Variants in CTSS observed in about 807,000 individuals in gnomAD.
The protein encoded by CTSS is cathepsin S.
In CTSS, 15 loss-of-function variants were observed where a neutral mutation model predicts 39.9. The ratio of observed to expected loss-of-function variants is 0.38; its 90% CI spans 0.25 to 0.58. The LOEUF (loss-of-function observed/expected upper bound fraction) is 0.58. CTSS is among the 20% of genes least tolerant of loss of function. The pLI is 0.70. For synonymous variants in CTSS, 126 were observed against 138.2 expected, an observed-to-expected ratio of 0.91 and a Z score of 0.62; for missense variants, 250 against 398.2, an observed-to-expected ratio of 0.63 and a Z score of 3.17.
chr1:150,743,467 T>A (rs2101913781), intron 7 of CTSS, among the ~76,000 whole-genome samples: 1 of 145,174 alleles, frequency 6.9e-6, no homozygotes, highest in Non-Finnish European at 1.5e-5. Flanking sequence ...GGCTCACGCC[T>A]GTAATCCCAA....
chr1:150,757,588 T>G (rs952909136), intron 3 of CTSS, among the ~76,000 whole-genome samples: 1 of 152,134 alleles, frequency 6.6e-6, no homozygotes, highest in Non-Finnish European at 1.5e-5. Flanking sequence ...AGGTAATACT[T>G]TCTAGAATTT....
chr1:150,755,165 T>C lies in CTSS; in HGVS notation c.250-15A>G, dbSNP rs950331209. 1.2e-6 allele frequency: 2 copies of C among 1,613,374 alleles called. No homozygotes were observed. The highest frequency in any genetic ancestry group is 1.7e-6 in the Non-Finnish European group (2 of 1,179,540). ...TCTTCACTGGTCTACAAAGCAAATA[T>C]ACAGTCAGGCATTGTTTAATGACTG... On this transcript the variant is annotated splice_polypyrimidine_tract_variant and intron_variant, in intron 3 of 7. Transcript: ENST00000368985.
intron 7 of CTSS, among the ~76,000 whole-genome samples, chr1:150,745,023 C>G (rs1422844838): frequency 6.6e-6 from 1 of 152,040 alleles, no homozygotes; most frequent in African/African-American, 2.4e-5. Context: ...GGTCTACACC[C>G]AAGCTGATCA....
intron 7 of CTSS, among the ~76,000 whole-genome samples, chr1:150,745,549 C>G (rs1652876837): frequency 6.6e-6 from 1 of 152,030 alleles, no homozygotes; most frequent in Non-Finnish European, 1.5e-5. Flanking sequence ...GTAGTGCCAG[C>G]TACTTTGGTG....
chr1:150,760,371 A>G (rs1653228672), intron 2 of CTSS, among the ~76,000 whole-genome samples: 1 of 152,250 alleles, frequency 6.6e-6, no homozygotes, highest in Non-Finnish European at 1.5e-5. Flanking sequence ...CAAATAGGCC[A>G]TATATGGCAA....
At chr1:150,756,696 T>TTTTC (rs1197186923) in intron 3 of CTSS, among the ~76,000 whole-genome samples, 2 of 149,478 alleles carry the variant, frequency 1.3e-5, no homozygotes, top group Admixed American at 6.9e-5. Context: ...TCCTTCTTTC[T>TTTTC]TTTCTTTCTT....
At chr1:150,746,940 AT>A (rs1652906399) in intron 7 of CTSS, among the ~76,000 whole-genome samples, 1 of 152,194 alleles carries the variant, frequency 6.6e-6, no homozygotes, top group Non-Finnish European at 1.5e-5. Flanking sequence ...ACTCGTTCAT[AT>A]TTTAGACAAA....
intron 3 of CTSS, among the ~76,000 whole-genome samples, chr1:150,757,615 T>C (rs922894118): frequency 2.6e-5 from 4 of 151,684 alleles, no homozygotes; most frequent in African/African-American, 9.7e-5. Flanking sequence ...AAAAAAACAA[T>C]GGTAGTCTCT....
chr1:150,753,186 T>C (rs1211389487), intron 4 of CTSS, among the ~76,000 whole-genome samples: 1 of 152,108 alleles, frequency 6.6e-6, no homozygotes, highest in Admixed American at 6.6e-5. Context: ...TTTTACTTTC[T>C]TCATTGATCA....
chr1:150,731,693 C>A lies in CTSS; in HGVS notation c.*1353G>T, dbSNP rs982483143. ...AATCTAGAGCAGTTGTAAGGAAGAT[C>A]CATCTGAATTAGATAAAAATATGAG... On this transcript the variant is annotated 3_prime_UTR_variant, in exon 8 of 8. Coordinates refer to ENST00000368985, the MANE Select transcript of CTSS (RefSeq NM_004079.5). 3.3e-5 allele frequency: 5 copies of A among 152,078 alleles called. No individual in the cohort carries two copies. The highest frequency in any genetic ancestry group is 1.2e-4 in the African/African-American group (5 of 41,414). 9.4% of individuals were successfully genotyped at this position (152,078 alleles called of 1,614,324 possible). A position where few individuals can be genotyped will look rare whatever the true frequency, so the allele number is the denominator to read the frequency against.
chr1:150,746,039 GCCTCCAGTC>G lies in CTSS; in HGVS notation c.896+1729_896+1737del, dbSNP rs750126956. Among the ~76,000 whole-genome samples, 156 of 152,180 alleles carry G rather than the reference GCCTCCAGTC, an allele frequency of 1.0e-3. 1 individual carries two copies. The highest frequency in any genetic ancestry group is 1.9e-3 in the Non-Finnish European group (126 of 68,006). On this transcript the variant is annotated intron_variant, in intron 7 of 7. Coordinates refer to ENST00000368985, the MANE Select transcript of CTSS (RefSeq NM_004079.5). ...TTGATCAGCATCTCCTCATTACCCA[GCCTCCAGTC>G]CCTGGCAGCTATCATTCTACTGTCT...
chr1:150,752,304 A>C (rs1441231310), intron 4 of CTSS, among the ~76,000 whole-genome samples: 3 of 152,190 alleles, frequency 2.0e-5, no homozygotes, highest in South Asian at 2.1e-4. Context: ...ACCAAATTGC[A>C]CCTATTTTCA....
intron 7 of CTSS, among the ~76,000 whole-genome samples, chr1:150,736,984 G>GAATGTATTTAAAGTACACACAC (rs1652647585): frequency 6.6e-6 from 1 of 152,134 alleles, no homozygotes; most frequent in South Asian, 2.1e-4. Context: ...TTAAATGAGA[G>GAATGTATTTAAAGTACACACAC]AATGTATTTA....
rs587642423 is a variant in CTSS, at chr1:150,751,856, G to C, written c.552C>G (p.Phe184Leu). The C allele has an allele frequency of 1.9e-6, 3 of 1,614,080 alleles. No individual in the cohort carries two copies. The African/African-American group carries it at 4.0e-5, about 22-fold the overall frequency. Residue 184 changes from phenylalanine to leucine, a missense_variant, in exon 5 of 8, where the codon TTC becomes TTG. Phe to Leu is a conservative substitution (Grantham distance 22). Coordinates refer to ENST00000368985, the MANE Select transcript of CTSS (RefSeq NM_004079.5). ...KYGNKGCNGG[F>L]MTTAFQYIID... ...TGATGTACTGGAAAGCCGTTGTCAT[G>C]AAGCCACCATTGCAGCCTTTGTTTC...
At chr1:150,747,034 C>T (rs12403003) in intron 7 of CTSS, among the ~76,000 whole-genome samples, 32 of 152,144 alleles carry the variant, frequency 2.1e-4, no homozygotes, top group Admixed American at 2.0e-3. Flanking sequence ...TAGAAGGGTA[C>T]AGCAATAGTC....
At chr1:150,755,482 G>A (rs1033132197) in intron 3 of CTSS, among the ~76,000 whole-genome samples, 1 of 152,226 alleles carries the variant, frequency 6.6e-6, no homozygotes, top group African/African-American at 2.4e-5. Context: ...GCTCACGCCT[G>A]CAATCCCAGC....
chr1:150,744,573 TA>T (rs1314759976), intron 7 of CTSS, among the ~76,000 whole-genome samples: 1 of 119,100 alleles, frequency 8.4e-6, no homozygotes, highest in African/African-American at 3.1e-5. Context: ...TATGTATACA[TA>T]ATATATTATA....
intron 5 of CTSS, among the ~76,000 whole-genome samples, 166 bp from the exon 6 acceptor site, chr1:150,750,337 A>G (rs1652983799): frequency 1.3e-5 from 2 of 152,160 alleles, no homozygotes; most frequent in African/African-American, 4.8e-5. Context: ...CCCGGGTTTC[A>G]GCAATAATGG....
chr1:150,734,322 C>T (rs1358754935), intron 7 of CTSS, among the ~76,000 whole-genome samples: 1 of 151,790 alleles, frequency 6.6e-6, no homozygotes, highest in African/African-American at 2.4e-5. Context: ...CCACCACGCC[C>T]GGCTGTATGG....
Sources: gnomAD v4.1 joint callset for allele counts (sites outside exome capture counted in the v4.1 genomes callset) on GRCh38, gnomAD v4.1.1 for gene constraint, MANE v1.5 for transcripts, NCBI Gene and HGNC (gene_info 2026-07-23, HGNC 2026-07-21) for gene names.